The following TAB1 variants were observed in gnomAD, a reference collection of about 807,000 sequenced individuals.
TAB1 encodes the protein TGF-beta-activated kinase 1 and MAP3K7-binding protein 1.
A neutral mutation model predicts 54.5 loss-of-function variants in TAB1; 30 were observed. The observed-to-expected ratio is 0.55, with a 90% CI of 0.41 to 0.75. The LOEUF (loss-of-function observed/expected upper bound fraction) is 0.75. Among genes scored for constraint, TAB1 ranks in the 30% least tolerant of loss-of-function variants. TAB1 has a pLI of 0.00. For synonymous variants in TAB1, 289 were observed against 286.9 expected (o/e 1.01, Z -0.07); for missense variants, 609 against 683.2 (o/e 0.89, Z 1.21).
intron 8 of TAB1, 90 bp downstream of exon 8, chr22:39,422,061 C>A: frequency 8.4e-7 from 1 of 1,194,800 alleles, no homozygotes. Context: ...CTGTGATTCT[C>A]GGAGGCCGTC....
At chr22:39,422,035 A>AGGG in intron 8 of TAB1, 64 bp downstream of exon 8, 1 of 1,393,642 alleles carries the variant, frequency 7.2e-7, no homozygotes, top group South Asian at 1.5e-5. Flanking sequence ...TGATGTGCTC[A>AGGG]CCCTGCCTTC....
chr22:39,426,363 C>G (rs1016785049), intron 8 of TAB1, among the ~76,000 whole-genome samples: 4 of 152,030 alleles, frequency 2.6e-5, no homozygotes, highest in African/African-American at 9.7e-5. Context: ...ATAATAATGA[C>G]ACTTGCTACT....
chr22:39,420,819 T>TGTGTGTGTGTG lies in TAB1; in HGVS notation c.777-1008_777-1007insGTGTGTGTGTG, dbSNP rs1406446293. Among the ~76,000 whole-genome samples the TGTGTGTGTGTG allele has an allele frequency of 2.8e-4, 7 of 25,434 alleles. 1 individual carries two copies. The highest frequency in any genetic ancestry group is 1.3e-3 in the South Asian group (1 of 774). The allele number at this position is 25,434 out of a possible 152,430, so 16.7% of individuals were successfully genotyped here. A position where few individuals can be genotyped will look rare whatever the true frequency, so the allele number is the denominator to read the frequency against. ...TGTGTGTGTGTGTGTGTGTGTGTGT[T>TGTGTGTGTGTG]TGTCCTGGGGGCCAAGGAGCCTGCA... On this transcript the variant is annotated intron_variant, in intron 7 of 10. Coordinates refer to ENST00000216160, the MANE Select transcript of TAB1 (RefSeq NM_006116.3).
At chr22:39,404,751 G>C (rs1439007441) in intron 1 of TAB1, among the ~76,000 whole-genome samples, 1 of 152,160 alleles carries the variant, frequency 6.6e-6, no homozygotes, top group Non-Finnish European at 1.5e-5. Context: ...CATACACCCA[G>C]CTGCTGCCCT....
rs1927562972 is a variant in TAB1 at position 39,430,938 on chromosome 22, G to A, written c.*716G>A. ...AGAGCCAGGCGTGCGGGAGAGGTGAGGACTGGCCCCGGTGGGCTGAGGCAG... is the reference window on the plus strand; with the variant it reads ...AGAGCCAGGCGTGCGGGAGAGGTGAAGACTGGCCCCGGTGGGCTGAGGCAG... On this transcript the variant is annotated 3_prime_UTR_variant, in exon 11 of 11. Coordinates refer to ENST00000216160, the MANE Select transcript of TAB1 (RefSeq NM_006116.3). 2 of 987,526 alleles carry A rather than the reference G, an allele frequency of 2.0e-6. No individual in the cohort carries two copies. Among genetic ancestry groups the A allele is most frequent in the South Asian group, 4.7e-5 (1 of 21,378 alleles). The allele number at this position is 987,526 out of a possible 1,614,324, so 61.2% of individuals were successfully genotyped here.
Position 39,430,119 on chromosome 22 carries a change from C to T in TAB1, c.1412C>T (p.Pro471Leu), listed in dbSNP as rs1222699707. The T allele has an allele frequency of 6.8e-6, 11 of 1,613,982 alleles. No homozygotes were observed. The highest frequency in any genetic ancestry group is 4.5e-5 in the East Asian group (2 of 44,902). Residue 471 changes from proline (P) to leucine (L), a missense_variant, in exon 11 of 11, where the codon CCG becomes CTG. Transcript: ENST00000216160. ...CGCTCCCGGCCCGCCCACTCGCTCC[C>T]GCCTGGCGAGGACGGTCGTGTTGAG... ...LFRSRPAHSL[P>L]PGEDGRVEPY...
chr22:39,428,316 G>A (rs1416862465), intron 10 of TAB1, 133 bp downstream of exon 10: 8 of 568,338 alleles, frequency 1.4e-5, no homozygotes, highest in Middle Eastern at 5.0e-4. Context: ...CCCCAGCTCC[G>A]TGCCTGGTGA....
In TAB1 at chr22:39,430,146, C is replaced by G; in HGVS notation, c.1439C>G (p.Pro480Arg). Residue 480 changes from proline (P) to arginine (R), a missense_variant, in exon 11 of 11, where the codon CCC becomes CGC. Physicochemically the swap from Pro to Arg is moderately radical, Grantham distance 103. Coordinates refer to ENST00000216160, the MANE Select transcript of TAB1 (RefSeq NM_006116.3). ...LPPGEDGRVE[P>R]YVDFAEFYRL... ...CCTGGCGAGGACGGTCGTGTTGAGC[C>G]CTATGTGGACTTTGCTGAGTTTTAC... 1.2e-6 allele frequency: 2 copies of G among 1,614,006 alleles called. No homozygotes were observed. Among genetic ancestry groups the G allele is most frequent in the Non-Finnish European group, 1.7e-6 (2 of 1,180,048 alleles).
chr22:39,424,773 T>C (rs1488661092), intron 8 of TAB1, among the ~76,000 whole-genome samples: 2 of 152,148 alleles, frequency 1.3e-5, no homozygotes, highest in Non-Finnish European at 2.9e-5. Flanking sequence ...TTACCTGTTA[T>C]ATAAGCTTAC....
At chr22:39,423,863 A>G (rs1014377379) in intron 8 of TAB1, among the ~76,000 whole-genome samples, 1 of 151,634 alleles carries the variant, frequency 6.6e-6, no homozygotes, top group Non-Finnish European at 1.5e-5. Flanking sequence ...TTTATAGTGT[A>G]CATTGTAACT....
At chr22:39,412,735 T>A (rs1295000314) in intron 1 of TAB1, among the ~76,000 whole-genome samples, 1 of 152,174 alleles carries the variant, frequency 6.6e-6, no homozygotes, top group East Asian at 1.9e-4. Flanking sequence ...TGCAAAAGCC[T>A]GTTGAAGTGG....
At chr22:39,414,866 T>A in intron 1 of TAB1, 140 bp from the exon 2 acceptor site, 1 of 864,348 alleles carries the variant, frequency 1.2e-6, no homozygotes, top group Non-Finnish European at 1.8e-6. Context: ...CATACAAACA[T>A]TATTGTTTTC....
At chr22:39,436,366 C>T (rs976973390), downstream of TAB1, 24 of 735,700 alleles carry the variant, frequency 3.3e-5, no homozygotes, top group African/African-American at 3.7e-4. Flanking sequence ...CTCATTTAAC[C>T]TGGCAAAGAG....
rs17001102 is a variant in TAB1 at position 39,430,389 on chromosome 22, T to C, written c.*167T>C. ...GGCAGTAGAGTGTGTGAGTGCAGAC[T>C]GGACCTGTGGTTCATACCTTGTCAC... On this transcript the variant is annotated 3_prime_UTR_variant, in exon 11 of 11. Transcript: ENST00000216160. 6.9e-7 allele frequency: 1 copy of C among 1,454,108 alleles called. No homozygotes were observed. The highest frequency in any genetic ancestry group is 9.1e-7 in the Non-Finnish European group (1 of 1,103,614). The allele number at this position is 1,454,108 out of a possible 1,614,324, so 90.1% of individuals were successfully genotyped here.
Position 39,412,712 on chromosome 22 carries a change from T to A in TAB1, c.34-2294T>A, listed in dbSNP as rs139159959. 8.5e-5 allele frequency among the ~76,000 whole-genome samples: 13 copies of A among 152,198 alleles called. No individual in the cohort carries two copies. In the East Asian group the frequency reaches 2.3e-3, roughly 27 times the overall value. On this transcript the variant is annotated intron_variant, in intron 1 of 10. Coordinates refer to ENST00000216160, the MANE Select transcript of TAB1 (RefSeq NM_006116.3). ...GCCACAAAAGCTAACCACAGGCTTT[T>A]TATATATATGATTGCAAAAGCCTGT...
At chr22:39,412,532 A>G (rs925322044) in intron 1 of TAB1, among the ~76,000 whole-genome samples, 2 of 152,164 alleles carry the variant, frequency 1.3e-5, no homozygotes, top group African/African-American at 4.8e-5. Flanking sequence ...TGTTAATGTA[A>G]AAATAAAACA....
At chr22:39,427,618 G>T (rs561285516) in intron 9 of TAB1, among the ~76,000 whole-genome samples, 2 of 152,292 alleles carry the variant, frequency 1.3e-5, no homozygotes, top group South Asian at 4.1e-4. Flanking sequence ...AGACAGATTT[G>T]TTCTCCCATG....
At chr22:39,416,233 A>G (rs905926591) in intron 3 of TAB1, among the ~76,000 whole-genome samples, 3 of 152,176 alleles carry the variant, frequency 2.0e-5, no homozygotes, top group African/African-American at 7.2e-5. Flanking sequence ...CTCAGGCTCC[A>G]TTGCCAGTGA....
chr22:39,412,196 C>T lies in TAB1; in HGVS notation c.34-2810C>T, dbSNP rs555690043. On this transcript the variant is annotated intron_variant, in intron 1 of 10. Coordinates refer to ENST00000216160, the MANE Select transcript of TAB1 (RefSeq NM_006116.3). ...CTGGAATTACAGGTGTGCGCCACCA[C>T]GCCCGGCTGATTTTTGTATTTTCAG... Among the ~76,000 whole-genome samples the T allele has an allele frequency of 3.9e-5, 6 of 152,136 alleles. No individual in the cohort carries two copies. The South Asian group carries it at 8.3e-4, about 21-fold the overall frequency.
Sources: allele counts gnomAD v4.1 joint callset (sites outside exome capture counted in the v4.1 genomes callset), GRCh38; gene constraint gnomAD v4.1.1; transcripts MANE v1.5; gene names NCBI Gene and HGNC (gene_info 2026-07-23, HGNC 2026-07-21).